INSR: variants seen among roughly 807,000 people sequenced by gnomAD.
INSR encodes insulin receptor, also known as IR.
INSR carries 67 observed loss-of-function variants against 142.6 expected under a neutral mutation model. The observed-to-expected ratio is 0.47, with a 90% CI of 0.39 to 0.58. The LOEUF (loss-of-function observed/expected upper bound fraction) is 0.58, where lower values mean the gene tolerates loss of function less well. Ranked by LOEUF, INSR falls within the 20% of genes least tolerant of loss-of-function variation. The probability of loss-of-function intolerance (pLI) is 0.00; values close to 1 mark genes in which losing one functional copy is unlikely to be tolerated. For synonymous variants in INSR, 756 were observed against 743.1 expected (o/e 1.02, Z -0.28); for missense variants, 1,248 against 1,833.2 (o/e 0.68, Z 5.83).
At chr19:7,209,387 T>C (rs757837852) in intron 2 of INSR, among the ~76,000 whole-genome samples, 1 of 152,180 alleles carries the variant, frequency 6.6e-6, no homozygotes, top group African/African-American at 2.4e-5. Flanking sequence ...CTGCTCCTCA[T>C]GTGTATGCAA....
rs903437113 is a variant in INSR, at chr19:7,119,123, G to C, written c.3794+326C>G. Among the ~76,000 whole-genome samples the C allele has an allele frequency of 1.3e-5, 2 of 152,124 alleles. No individual in the cohort carries two copies. The highest frequency in any genetic ancestry group is 4.8e-5 in the African/African-American group (2 of 41,424). On this transcript the variant is annotated intron_variant, in intron 21 of 21. Coordinates refer to ENST00000302850, the MANE Select transcript of INSR (RefSeq NM_000208.4). This position sits in a 1 kb window ranked among gnomAD's most constrained non-coding sequence, Gnocchi z 5.2. ...ATGTAAACATGTGTGCTTATAATATGTAAATGAGGTGTACATGTGCCATGA... is the reference window on the plus strand; with the variant it reads ...ATGTAAACATGTGTGCTTATAATATCTAAATGAGGTGTACATGTGCCATGA...
At chr19:7,252,926 C>A (rs10422585) in intron 2 of INSR, among the ~76,000 whole-genome samples, 57,612 of 151,664 alleles carry the variant, frequency 0.38, 11,822 homozygotes, top group African/African-American at 0.51. Context: ...CCATCCTGGC[C>A]AACATGGTGA....
At chr19:7,144,209 G>A (rs1207920264) in intron 11 of INSR, among the ~76,000 whole-genome samples, 1 of 152,088 alleles carries the variant, frequency 6.6e-6, no homozygotes, top group Non-Finnish European at 1.5e-5. Context: ...TATATTGGAA[G>A]CATTTACTAA....
At chr19:7,198,878 C>A (rs914123446) in intron 2 of INSR, among the ~76,000 whole-genome samples, 1 of 138,720 alleles carries the variant, frequency 7.2e-6, no homozygotes, top group African/African-American at 2.6e-5. Context: ...TTAACATTCA[C>A]CCCCATAAAT....
Position 7,119,287 on chromosome 19 carries a change from T to C in INSR, c.3794+162A>G, listed in dbSNP as rs1972417716. ...ACAATGCAATATGCAAATGCAAGCA[T>C]GCATGTAAAGACAAGCTATGCAAAC... On this transcript the variant is annotated intron_variant, in intron 21 of 21. Transcript: ENST00000302850. This position sits in a 1 kb window ranked among gnomAD's most constrained non-coding sequence, Gnocchi z 5.2. Among the ~76,000 whole-genome samples, 1 of 152,188 alleles carries C rather than the reference T, an allele frequency of 6.6e-6. No individual in the cohort carries two copies. The highest frequency in any genetic ancestry group is 6.5e-5 in the Admixed American group (1 of 15,274).
intron 2 of INSR, among the ~76,000 whole-genome samples, chr19:7,197,516 G>GTGGGGGTGTGTGTGTGTGTGT (rs1568480264): frequency 2.8e-5 from 2 of 70,856 alleles, no homozygotes; most frequent in African/African-American, 1.2e-4. Flanking sequence ...TGGGAGTGGG[G>GTGGGGGTGTGTGTGTGTGTGT]GTGTGTGTGT....
chr19:7,178,115 CT>C (rs779187552), intron 3 of INSR, among the ~76,000 whole-genome samples: 14 of 151,726 alleles, frequency 9.2e-5, no homozygotes, highest in Non-Finnish European at 2.1e-4. Context: ...ATTTTTGTGA[CT>C]GTAGGATCAT....
In INSR at chr19:7,125,660, G is replaced by T; in HGVS notation, c.3014-133C>A. The T allele has an allele frequency of 8.3e-7, 1 of 1,204,182 alleles. No individual in the cohort carries two copies. The highest frequency in any genetic ancestry group is 2.4e-5 in the East Asian group (1 of 41,086). The allele number at this position is 1,204,182 out of a possible 1,614,324, so 74.6% of individuals were successfully genotyped here. A position where few individuals can be genotyped will look rare whatever the true frequency, so the allele number is the denominator to read the frequency against. On this transcript the variant is annotated intron_variant, in intron 16 of 21. Transcript: ENST00000302850. This position sits in a 1 kb window ranked among gnomAD's most constrained non-coding sequence, Gnocchi z 4.9. ...AGTTCTGTGATCCAGGACCCATGCC[G>T]GGCACTGGGCATATGGCCGAGAACA...
At chr19:7,221,394 AGG>A (rs1975608437) in intron 2 of INSR, among the ~76,000 whole-genome samples, 1 of 143,070 alleles carries the variant, frequency 7.0e-6, no homozygotes, top group Non-Finnish European at 1.5e-5. Context: ...GAGGAGGAGG[AGG>A]AGGAGGAGGA....
At chr19:7,221,267 G>A (rs145939944) in intron 2 of INSR, among the ~76,000 whole-genome samples, 1,648 of 152,100 alleles carry the variant, frequency 0.011, 46 homozygotes, top group African/African-American at 0.038. Context: ...CCAGCTACTC[G>A]GGAGGCTGAA....
At chr19:7,143,135 T>G (rs982181498) in intron 11 of INSR, 45 bp from the exon 12 acceptor site, 2 of 1,610,054 alleles carry the variant, frequency 1.2e-6, no homozygotes, top group Non-Finnish European at 1.7e-6. Context: ...TCACCATCAT[T>G]TTTTTTAAAA....
At chr19:7,233,902 T>C (rs973385159) in intron 2 of INSR, among the ~76,000 whole-genome samples, 1 of 151,742 alleles carries the variant, frequency 6.6e-6, no homozygotes, top group African/African-American at 2.4e-5. Context: ...GGTCTCGATC[T>C]CCTGATCTCG....
At chr19:7,202,133 CT>C (rs1262187251) in intron 2 of INSR, among the ~76,000 whole-genome samples, 1 of 152,154 alleles carries the variant, frequency 6.6e-6, no homozygotes, top group African/African-American at 2.4e-5. Flanking sequence ...TACATGGCCC[CT>C]AAGCAGTGGA....
intron 14 of INSR, 112 bp from the exon 15 acceptor site, chr19:7,129,066 C>G: frequency 2.5e-6 from 2 of 787,140 alleles, no homozygotes; most frequent in Non-Finnish European, 4.4e-6. Context: ...CCTTCCCTCC[C>G]TTGTCCATAA....
At chr19:7,264,453 T>G (rs185153012) in intron 2 of INSR, among the ~76,000 whole-genome samples, 157 of 152,290 alleles carry the variant, frequency 1.0e-3, no homozygotes, top group African/African-American at 3.7e-3. Context: ...AAAAATAAAT[T>G]CATAGAGGAA....
At position 7,117,396 on chromosome 19, in the gene INSR, C is replaced by G. The variant is rs746000108; in HGVS notation, c.3809G>C (p.Arg1270Pro). The change falls in exon 22 of 22, where the codon CGC (arginine) becomes CCC (proline). Residue 1270 changes from arginine (R) to proline (P), a missense_variant. By Grantham distance (103) the Arg-to-Pro change is moderately radical. Coordinates refer to ENST00000302850, the MANE Select transcript of INSR (RefSeq NM_000208.4). ...NCPERVTDLMRMCWQFNPKMR... is the reference protein window; with the variant it reads ...NCPERVTDLMPMCWQFNPKMR... ...CTTGGGGTTGAATTGCCAGCACATGCGCATGAGGTCAGTGCTGCGGGGCAG... is the reference window on the plus strand; with the variant it reads ...CTTGGGGTTGAATTGCCAGCACATGGGCATGAGGTCAGTGCTGCGGGGCAG... 1 of 1,613,676 alleles carries G rather than the reference C, an allele frequency of 6.2e-7. No homozygotes were observed. Among genetic ancestry groups the G allele is most frequent in the South Asian group, 1.1e-5 (1 of 91,044 alleles).
intron 1 of INSR, among the ~76,000 whole-genome samples, chr19:7,292,379 C>T (rs948648553): frequency 1.3e-5 from 2 of 151,310 alleles, no homozygotes; most frequent in Admixed American, 1.3e-4. Context: ...CTTGAGCCAC[C>T]GCAGCTGGCC....
chr19:7,280,606 A>G (rs1328082069), intron 1 of INSR, among the ~76,000 whole-genome samples: 2 of 151,994 alleles, frequency 1.3e-5, no homozygotes, highest in African/African-American at 4.8e-5. Context: ...AGTCCCAGCT[A>G]CTTGGGAGGC....
At chr19:7,141,399 T>C (rs112334551) in intron 13 of INSR, 7,994 of 478,652 alleles carry the variant, frequency 0.017, 108 homozygotes, top group Middle Eastern at 0.03. Context: ...TAAAGTGAAA[T>C]GAGTCTCCTG....
Sources: allele counts gnomAD v4.1 joint callset (sites outside exome capture counted in the v4.1 genomes callset), GRCh38; gene constraint gnomAD v4.1.1; non-coding constraint Gnocchi (gnomAD v3.1); transcripts MANE v1.5; gene names NCBI Gene and HGNC (gene_info 2026-07-23, HGNC 2026-07-21).